Variants in GRM1 observed in about 807,000 individuals in gnomAD.
GRM1 encodes metabotropic glutamate receptor 1.
A neutral mutation model predicts 90.9 loss-of-function variants in GRM1; 33 were observed. That is an observed-to-expected ratio of 0.36 (90% CI 0.28 to 0.49). The LOEUF (loss-of-function observed/expected upper bound fraction) is 0.49, where lower values mean the gene tolerates loss of function less well. GRM1 is among the 20% of genes least tolerant of loss of function. The pLI is 0.99. For synonymous variants in GRM1, 700 were observed against 613.2 expected (o/e 1.14, Z -2.09); for missense variants, 1,190 against 1,534.3 (o/e 0.78, Z 3.75).
At chr6:146,135,829 A>G (rs993717906) in intron 1 of GRM1, among the ~76,000 whole-genome samples, 2 of 152,176 alleles carry the variant, frequency 1.3e-5, no homozygotes, top group African/African-American at 4.8e-5. Context: ...GTGCAATTAA[A>G]TTATTATTAA....
At chr6:146,316,722 G>T (rs141938779) in intron 3 of GRM1, among the ~76,000 whole-genome samples, 3 of 152,192 alleles carry the variant, frequency 2.0e-5, no homozygotes, top group African/African-American at 7.2e-5. Flanking sequence ...GTCCTCTGAC[G>T]GAGCATGCTC....
intron 2 of GRM1, among the ~76,000 whole-genome samples, chr6:146,219,223 T>A (rs1779974248): frequency 6.6e-6 from 1 of 152,174 alleles, no homozygotes; most frequent in Non-Finnish European, 1.5e-5. Context: ...TTTTATTAAC[T>A]AAGTTTCTGC....
intron 7 of GRM1, among the ~76,000 whole-genome samples, chr6:146,400,482 A>G (rs1395612838): frequency 1.3e-5 from 2 of 152,290 alleles, no homozygotes; most frequent in East Asian, 1.9e-4. Flanking sequence ...GTCCAGATGA[A>G]TTCCAGATGA....
chr6:146,411,994 A>G (rs144434467), intron 7 of GRM1, among the ~76,000 whole-genome samples: 65 of 152,290 alleles, frequency 4.3e-4, no homozygotes, highest in African/African-American at 1.5e-3. Context: ...CAATGGGTTC[A>G]TTACAAATTT....
intron 2 of GRM1, among the ~76,000 whole-genome samples, chr6:146,277,141 A>G (rs1254253562): frequency 1.3e-5 from 2 of 152,146 alleles, no homozygotes; most frequent in African/African-American, 4.8e-5. Flanking sequence ...ACAATAAAAT[A>G]CAATAAAGTT....
At position 146,029,401 on chromosome 6, in the gene GRM1, G is replaced by A. The variant is rs1435138338; in HGVS notation, c.-117G>A. The A allele has an allele frequency of 3.6e-6, 3 of 830,568 alleles. No individual in the cohort carries two copies. The highest frequency in any genetic ancestry group is 1.7e-5 in the Admixed American group (1 of 57,426). 51.4% of individuals were successfully genotyped at this position (830,568 alleles called of 1,614,324 possible). On this transcript the variant is annotated 5_prime_UTR_variant, in exon 1 of 8. Transcript: ENST00000282753. ...AAGGCCTTGGACGACCATTGTTGGC[G>A]AGGGGCACCACTCCGGGAGAGGCGG...
chr6:146,146,624 G>A (rs138232465), intron 1 of GRM1, among the ~76,000 whole-genome samples: 300 of 152,246 alleles, frequency 2.0e-3, no homozygotes, highest in African/African-American at 6.9e-3. Flanking sequence ...GTATTGAGAA[G>A]TAGAGCATTA....
chr6:146,223,030 G>A (rs1780123947), intron 2 of GRM1, among the ~76,000 whole-genome samples: 1 of 151,892 alleles, frequency 6.6e-6, no homozygotes, highest in African/African-American at 2.4e-5. Context: ...AATGTAGAAA[G>A]CCCAGGAACT....
intron 3 of GRM1, among the ~76,000 whole-genome samples, chr6:146,345,187 G>A (rs201482116): frequency 5.1e-4 from 77 of 152,258 alleles, no homozygotes; most frequent in South Asian, 2.1e-3. Context: ...AAATCACAAA[G>A]TCTGTTCAGA....
intron 2 of GRM1, among the ~76,000 whole-genome samples, chr6:146,187,789 C>CA (rs1283252862): frequency 6.6e-6 from 1 of 150,968 alleles, no homozygotes; most frequent in Non-Finnish European, 1.5e-5. Context: ...TAAAACAACA[C>CA]AAAAAACAAA....
chr6:146,088,112 A>G (rs80056064), intron 1 of GRM1, among the ~76,000 whole-genome samples: 1 of 152,170 alleles, frequency 6.6e-6, no homozygotes, highest in African/African-American at 2.4e-5. Context: ...TTCTGTCACT[A>G]TTTTTTATTT....
At chr6:146,412,975 T>A (rs1040321508) in intron 7 of GRM1, among the ~76,000 whole-genome samples, 6 of 152,194 alleles carry the variant, frequency 3.9e-5, no homozygotes, top group Non-Finnish European at 8.8e-5. Context: ...AGGATATGTT[T>A]AACACTTACC....
At chr6:146,043,811 A>ATATATATATATAT (rs1554260501) in intron 1 of GRM1, among the ~76,000 whole-genome samples, 28 of 145,532 alleles carry the variant, frequency 1.9e-4, no homozygotes, top group East Asian at 6.0e-4. Context: ...ATATATATAT[A>ATATATATATATAT]AAGGGAAGTG....
chr6:146,260,820 T>G (rs1218039602), intron 2 of GRM1, among the ~76,000 whole-genome samples: 7 of 139,494 alleles, frequency 5.0e-5, no homozygotes, highest in Non-Finnish European at 1.1e-4. Context: ...TTTTTTTTTT[T>G]TTTTTTTTTT....
intron 5 of GRM1, among the ~76,000 whole-genome samples, 156 bp from the exon 6 acceptor site, chr6:146,386,734 A>T (rs548886014): frequency 6.6e-6 from 1 of 152,102 alleles, no homozygotes; most frequent in Non-Finnish European, 1.5e-5. Flanking sequence ...AATCAAATAT[A>T]TACAAATTCA....
At chr6:146,089,304 A>G (rs866382742) in intron 1 of GRM1, among the ~76,000 whole-genome samples, 3 of 152,124 alleles carry the variant, frequency 2.0e-5, no homozygotes, top group African/African-American at 7.2e-5. Flanking sequence ...AAGGCAATGA[A>G]TTCCGCCAGC....
chr6:146,229,113 A>ATTTATT (rs959515773), intron 2 of GRM1, among the ~76,000 whole-genome samples: 7 of 151,946 alleles, frequency 4.6e-5, no homozygotes, highest in African/African-American at 1.7e-4. Flanking sequence ...CTAAAATTGT[A>ATTTATT]TTTATTTTTA....
intron 7 of GRM1, among the ~76,000 whole-genome samples, chr6:146,416,177 C>G (rs1777775980): frequency 6.6e-6 from 1 of 151,994 alleles, no homozygotes; most frequent in Non-Finnish European, 1.5e-5. Flanking sequence ...TAATGTTTAC[C>G]TTTAAATTAG....
intron 1 of GRM1, among the ~76,000 whole-genome samples, chr6:146,114,903 G>A (rs532954538): frequency 3.3e-5 from 5 of 152,156 alleles, no homozygotes; most frequent in Admixed American, 2.0e-4. Flanking sequence ...TAGTGTTCAA[G>A]TTTGTTGTTC....
Sources: allele counts gnomAD v4.1 joint callset (sites outside exome capture counted in the v4.1 genomes callset), GRCh38; gene constraint gnomAD v4.1.1; transcripts MANE v1.5; gene names NCBI Gene and HGNC (gene_info 2026-07-23, HGNC 2026-07-21).